ANXA8: variants seen among roughly 807,000 people sequenced by gnomAD.
The protein encoded by ANXA8 is annexin A8.
In ANXA8, 9 loss-of-function variants were observed where a neutral mutation model predicts 26.8. The observed-to-expected ratio is 0.34, with a 90% CI of 0.20 to 0.59. ANXA8 has a LOEUF of 0.59. ANXA8 is among the 20% of genes least tolerant of loss of function. ANXA8 has a pLI of 0.84. For missense variants in ANXA8, 83 were observed against 238.5 expected (o/e 0.35, Z 4.29); for synonymous variants, 39 against 94.8 (o/e 0.41, Z 3.42).
chr10:47,557,715 C>A, the ANXA8 span, among the ~76,000 whole-genome samples: 5 of 151,328 alleles, frequency 3.3e-5, no homozygotes, highest in South Asian at 4.2e-4. Flanking sequence ...ATTAAGAGAA[C>A]CAGGTTGAAG....
At chr10:47,534,717 C>T in the ANXA8 span, among the ~76,000 whole-genome samples, 4 of 96,818 alleles carry the variant, frequency 4.1e-5, no homozygotes, top group Admixed American at 2.2e-4. Flanking sequence ...TGCAATGGTG[C>T]GATCTTGGCT....
the ANXA8 span, chr10:47,690,846 T>G: frequency 6.2e-7 from 1 of 1,611,594 alleles, no homozygotes; most frequent in Non-Finnish European, 8.5e-7. Flanking sequence ...AAAGAAGCTG[T>G]ACCTCTGAAG....
At chr10:47,669,017 G>A in the ANXA8 span, among the ~76,000 whole-genome samples, 2 of 151,878 alleles carry the variant, frequency 1.3e-5, no homozygotes, top group East Asian at 3.9e-4. Context: ...GGGCAGTGAG[G>A]ATTTCAGTAT....
At chr10:47,779,225 GTAGGA>G in the ANXA8 span, among the ~76,000 whole-genome samples, 1 of 111,920 alleles carries the variant, frequency 8.9e-6, no homozygotes, top group African/African-American at 3.6e-5. Flanking sequence ...TCTGGGTCAT[GTAGGA>G]CTCTGTTGAG....
chr10:47,765,419 G>C, the ANXA8 span, among the ~76,000 whole-genome samples: 1 of 151,892 alleles, frequency 6.6e-6, no homozygotes, highest in East Asian at 1.9e-4. Context: ...ACCCCCACCT[G>C]ACCACCCCAG....
chr10:47,673,868 T>C, the ANXA8 span, among the ~76,000 whole-genome samples: 2 of 149,240 alleles, frequency 1.3e-5, no homozygotes, highest in South Asian at 2.1e-4. Flanking sequence ...AATACTGATA[T>C]ATTTTCATTA....
the ANXA8 span, among the ~76,000 whole-genome samples, chr10:47,571,577 C>CAA: frequency 2.0e-5 from 3 of 146,374 alleles, no homozygotes; most frequent in South Asian, 2.1e-4. Context: ...CAAAACAAAA[C>CAA]AAAAAAAAAG....
the ANXA8 span, among the ~76,000 whole-genome samples, chr10:47,916,620 A>G: frequency 8.5e-3 from 1,149 of 135,416 alleles, 45 homozygotes; most frequent in African/African-American, 0.026. Flanking sequence ...CCAGTTAGGC[A>G]TGAGGATGGA....
the ANXA8 span, among the ~76,000 whole-genome samples, chr10:47,670,129 A>G: frequency 6.6e-6 from 1 of 151,824 alleles, no homozygotes; most frequent in Non-Finnish European, 1.5e-5. Context: ...GCCTTTTGTC[A>G]CATGTTTTCA....
chr10:47,701,386 A>C, the ANXA8 span, among the ~76,000 whole-genome samples: 1 of 151,826 alleles, frequency 6.6e-6, no homozygotes, highest in Non-Finnish European at 1.5e-5. Context: ...CTGAAGCTAC[A>C]TCTCCAACAA....
At chr10:47,775,152 C>A in the ANXA8 span, among the ~76,000 whole-genome samples, 1 of 150,990 alleles carries the variant, frequency 6.6e-6, no homozygotes, top group Non-Finnish European at 1.5e-5. Context: ...GTGGGCAGAT[C>A]TTTTGAGGTC....
the ANXA8 span, among the ~76,000 whole-genome samples, chr10:47,621,339 T>C: frequency 1.8e-5 from 2 of 111,568 alleles, 1 homozygote; most frequent in Non-Finnish European, 3.9e-5. Context: ...GACACTTAGA[T>C]ACATTATTCA....
At chr10:47,586,545 G>T in the ANXA8 span, among the ~76,000 whole-genome samples, 2 of 145,278 alleles carry the variant, frequency 1.4e-5, no homozygotes, top group Non-Finnish European at 2.9e-5. Flanking sequence ...AGGCTTATCC[G>T]CATCAAAGTG....
the ANXA8 span, chr10:47,491,753 C>T: frequency 2.5e-5 from 38 of 1,545,660 alleles, 1 homozygote; most frequent in Non-Finnish European, 3.3e-5. Context: ...TGGTGCCTAT[C>T]TAGGCTCTGG....
At chr10:47,768,902 T>C in the ANXA8 span, among the ~76,000 whole-genome samples, 5 of 150,744 alleles carry the variant, frequency 3.3e-5, no homozygotes, top group Non-Finnish European at 1.5e-5. Flanking sequence ...CCACTGGTAG[T>C]GCGAGTGTGG....
At chr10:47,594,256 T>G in the ANXA8 span, among the ~76,000 whole-genome samples, 1 of 149,608 alleles carries the variant, frequency 6.7e-6, no homozygotes, top group African/African-American at 2.5e-5. Flanking sequence ...TATAGAGAAC[T>G]CTGACTAATA....
At chr10:47,940,131 G>T in the ANXA8 span, among the ~76,000 whole-genome samples, 2 of 151,242 alleles carry the variant, frequency 1.3e-5, no homozygotes, top group African/African-American at 4.9e-5. Flanking sequence ...CTGCATCCCT[G>T]GATTTTGCAC....
At chr10:47,687,303 C>T in the ANXA8 span, among the ~76,000 whole-genome samples, 2 of 150,272 alleles carry the variant, frequency 1.3e-5, no homozygotes, top group Non-Finnish European at 3.0e-5. Context: ...CACTCTGTCA[C>T]CCAGGCTGGA....
chr10:47,554,630 A>G, the ANXA8 span, among the ~76,000 whole-genome samples: 2 of 150,728 alleles, frequency 1.3e-5, no homozygotes, highest in South Asian at 2.1e-4. Context: ...TCTTTTCAAT[A>G]TGATCCCACC....
Sources: gnomAD v4.1 joint callset for allele counts (sites outside exome capture counted in the v4.1 genomes callset) on GRCh38, gnomAD v4.1.1 for gene constraint, MANE v1.5 for transcripts, NCBI Gene and HGNC (gene_info 2026-07-23, HGNC 2026-07-21) for gene names.